ZNHIT6: variants seen among roughly 807,000 people sequenced by gnomAD.
The protein encoded by ZNHIT6 is zinc finger HIT-type containing 6.
ZNHIT6 carries 45 observed loss-of-function variants against 57.2 expected under a neutral mutation model. The ratio of observed to expected loss-of-function variants is 0.79; its 90% CI spans 0.62 to 1.01. ZNHIT6 has a LOEUF of 1.01. Among genes scored for constraint, ZNHIT6 ranks in the 50% least tolerant of loss-of-function variants. The pLI is 0.00. For synonymous variants in ZNHIT6, 188 were observed against 190.0 expected, an observed-to-expected ratio of 0.99 and a Z score of 0.09; for missense variants, 528 against 567.3, an observed-to-expected ratio of 0.93 and a Z score of 0.70.
intron 5 of ZNHIT6, among the ~76,000 whole-genome samples, chr1:85,681,790 T>C (rs1285644948): frequency 1.3e-5 from 2 of 152,166 alleles, no homozygotes; most frequent in Non-Finnish European, 2.9e-5. Context: ...GAGAACAAAG[T>C]TGAAAAGTAC....
In ZNHIT6 at chr1:85,706,124, T is replaced by C. The variant is rs1379717566; in HGVS notation, c.869A>G (p.His290Arg). 1.2e-6 allele frequency: 2 copies of C among 1,613,788 alleles called. No individual in the cohort carries two copies. Among genetic ancestry groups the C allele is most frequent in the African/African-American group, 2.7e-5 (2 of 74,924 alleles). ...FLEDVARTAD[H>R]ISRDAFLKRP... ...CTTCAAAAAAGCATCTCTAGAAATA[T>C]GGTCCGCTGTTCTTGCCACATCTTC... Residue 290 changes from histidine to arginine, a missense_variant, in exon 4 of 10, where the codon CAT becomes CGT. Coordinates refer to ENST00000370574, the MANE Select transcript of ZNHIT6 (RefSeq NM_017953.4).
intron 5 of ZNHIT6, among the ~76,000 whole-genome samples, chr1:85,692,647 TTTA>T (rs1662252149): frequency 1.3e-5 from 2 of 151,908 alleles, no homozygotes; most frequent in African/African-American, 4.8e-5. Context: ...TTCATTTTCC[TTTA>T]CTCTTTTCTA....
At chr1:85,665,207 GTT>G (rs1661336430) in intron 8 of ZNHIT6, among the ~76,000 whole-genome samples, 1 of 151,804 alleles carries the variant, frequency 6.6e-6, no homozygotes, top group Non-Finnish European at 1.5e-5. Flanking sequence ...TCCTTAATTG[GTT>G]CATATTCTTT....
chr1:85,678,262 T>C (rs72946658), intron 7 of ZNHIT6, among the ~76,000 whole-genome samples: 1,809 of 152,290 alleles, frequency 0.012, 32 homozygotes, highest in African/African-American at 0.041. Flanking sequence ...TTAAGTTACT[T>C]GGAAACTTTT....
At chr1:85,682,178 ATT>A (rs11394558) in intron 5 of ZNHIT6, among the ~76,000 whole-genome samples, 5 of 130,170 alleles carry the variant, frequency 3.8e-5, no homozygotes, top group African/African-American at 5.8e-5. Context: ...CGCCCGGCTA[ATT>A]TTTTTTTTTT....
intron 8 of ZNHIT6, among the ~76,000 whole-genome samples, chr1:85,667,962 A>AAAAAAAAAAAATG (rs1553155846): frequency 9.1e-5 from 2 of 22,024 alleles, no homozygotes; most frequent in East Asian, 1.4e-3. Context: ...AAAAAAAAAA[A>AAAAAAAAAAAATG]TATATATATA....
intron 5 of ZNHIT6, among the ~76,000 whole-genome samples, chr1:85,690,855 A>G (rs549653576): frequency 9.4e-4 from 143 of 152,154 alleles, no homozygotes; most frequent in Non-Finnish European, 1.4e-3. Context: ...GTGAAACCCC[A>G]TCTCTACTAA....
intron 8 of ZNHIT6, among the ~76,000 whole-genome samples, chr1:85,664,956 C>T (rs1219840699): frequency 2.0e-5 from 3 of 152,150 alleles, no homozygotes; most frequent in South Asian, 2.1e-4. Flanking sequence ...CTCAGCCTCC[C>T]GAGTAGCTGG....
chr1:85,680,468 AT>A, intron 6 of ZNHIT6, among the ~76,000 whole-genome samples: 1 of 152,156 alleles, frequency 6.6e-6, no homozygotes, highest in East Asian at 1.9e-4. Flanking sequence ...CCTCTCCTCA[AT>A]ACTTGCTTTG....
intron 5 of ZNHIT6, among the ~76,000 whole-genome samples, chr1:85,681,333 G>A (rs998511612): frequency 2.0e-5 from 3 of 152,196 alleles, no homozygotes; most frequent in African/African-American, 7.2e-5. Flanking sequence ...CAAAACAGGA[G>A]ACAACAAGCT....
At chr1:85,707,233 T>C (rs1662708973) in intron 1 of ZNHIT6, among the ~76,000 whole-genome samples, 1 of 152,236 alleles carries the variant, frequency 6.6e-6, no homozygotes, top group Non-Finnish European at 1.5e-5. Flanking sequence ...AAGTGTATTT[T>C]TGCCTAGTTT....
intron 5 of ZNHIT6, among the ~76,000 whole-genome samples, chr1:85,685,462 C>T (rs182030294): frequency 1.3e-5 from 2 of 152,196 alleles, no homozygotes; most frequent in Admixed American, 1.3e-4. Context: ...GTATGAAGGC[C>T]ATACCCCAAA....
intron 8 of ZNHIT6, among the ~76,000 whole-genome samples, chr1:85,669,414 A>T (rs1474495972): frequency 6.6e-6 from 1 of 152,234 alleles, no homozygotes; most frequent in Non-Finnish European, 1.5e-5. Flanking sequence ...TTTAAAATTT[A>T]AAAACATCCT....
chr1:85,706,160 T>A lies in ZNHIT6; in HGVS notation c.833A>T (p.Tyr278Phe). ...TCTTGCCACATCTTCCAAAAATCGA[T>A]AATCTAAAAATTTCAAAACAGAAGA... ...QFTEMNLLSD[Y>F]RFLEDVARTA... The change falls in exon 4 of 10, where the codon TAT (tyrosine) becomes TTT (phenylalanine). Residue 278 changes from tyrosine (Y) to phenylalanine (F), a missense_variant. By Grantham distance (22) the Tyr-to-Phe change is conservative. Transcript: ENST00000370574. The A allele has an allele frequency of 6.2e-7, 1 of 1,613,620 alleles. No individual in the cohort carries two copies. The highest frequency in any genetic ancestry group is 1.1e-5 in the South Asian group (1 of 90,986).
intron 8 of ZNHIT6, among the ~76,000 whole-genome samples, chr1:85,669,018 A>G (rs996992608): frequency 6.6e-6 from 1 of 152,194 alleles, no homozygotes; most frequent in Non-Finnish European, 1.5e-5. Context: ...TCTGGGTCCT[A>G]TGTAAGATTT....
intron 8 of ZNHIT6, among the ~76,000 whole-genome samples, chr1:85,659,127 CAG>C (rs1661156483): frequency 6.6e-6 from 1 of 151,988 alleles, no homozygotes; most frequent in African/African-American, 2.4e-5. Context: ...TTAAGAAATA[CAG>C]AGTTTATCGT....
At chr1:85,700,799 G>C in intron 5 of ZNHIT6, among the ~76,000 whole-genome samples, 1 of 152,078 alleles carries the variant, frequency 6.6e-6, no homozygotes, top group Non-Finnish European at 1.5e-5. Context: ...TTTGATAAAT[G>C]CAAGACATTA....
At chr1:85,681,397 A>G (rs777464295) in intron 5 of ZNHIT6, among the ~76,000 whole-genome samples, 30 of 152,182 alleles carry the variant, frequency 2.0e-4, no homozygotes, top group Non-Finnish European at 4.1e-4. Context: ...TCAGGTCTAA[A>G]CTTTGGTTTG....
Position 85,654,071 on chromosome 1 carries a change from C to T in ZNHIT6, c.1400G>A (p.Gly467Asp), listed in dbSNP as rs765770676. 2.5e-6 allele frequency: 4 copies of T among 1,612,230 alleles called. No homozygotes were observed. The South Asian group carries it at 3.3e-5, about 13-fold the overall frequency. ...QVKSESTKNV[G>D]NEN is the part of the protein sequence containing the mutation. ...CAGAAAAAATGCTCAATTTTCATTGCCAACGTTCTTGGTAGATTCACTCTT... is the reference window on the plus strand; with the variant it reads ...CAGAAAAAATGCTCAATTTTCATTGTCAACGTTCTTGGTAGATTCACTCTT... The change falls in exon 10 of 10, where the codon GGC (glycine) becomes GAC (aspartate). Residue 467 changes from glycine to aspartate, a missense_variant. Transcript: ENST00000370574.
Sources: allele counts gnomAD v4.1 joint callset (sites outside exome capture counted in the v4.1 genomes callset), GRCh38; gene constraint gnomAD v4.1.1; transcripts MANE v1.5; gene names NCBI Gene and HGNC (gene_info 2026-07-23, HGNC 2026-07-21).